Variants in DDX42 observed in about 807,000 individuals in gnomAD.
The protein encoded by DDX42 is ATP-dependent RNA helicase DDX42.
DDX42 carries 22 observed loss-of-function variants against 101.5 expected under a neutral mutation model. That is an observed-to-expected ratio of 0.22 (90% confidence interval 0.15 to 0.31). DDX42 has a LOEUF of 0.31. Among genes scored for constraint, DDX42 ranks in the 10% least tolerant of loss-of-function variants. The probability of loss-of-function intolerance (pLI) is 1.00; values close to 1 mark genes in which losing one functional copy is unlikely to be tolerated. For synonymous variants in DDX42, 402 were observed against 401.2 expected (o/e 1.00, Z -0.02); for missense variants, 849 against 1,199.9 (o/e 0.71, Z 4.32).
At chr17:63,784,780 A>T (rs1198459592) in intron 1 of DDX42, among the ~76,000 whole-genome samples, 3 of 149,754 alleles carry the variant, frequency 2.0e-5, no homozygotes, top group Non-Finnish European at 3.0e-5. Flanking sequence ...TTAAAAAAAG[A>T]TTTTTTTTTT....
chr17:63,788,741 A>G (rs568236353), intron 2 of DDX42, among the ~76,000 whole-genome samples: 24 of 152,326 alleles, frequency 1.6e-4, no homozygotes, highest in African/African-American at 5.8e-4. Context: ...CTGATATAAT[A>G]ATGTGGTTAG....
chr17:63,797,305 T>C (rs920059626), intron 3 of DDX42, among the ~76,000 whole-genome samples: 28 of 136,644 alleles, frequency 2.0e-4, no homozygotes, highest in African/African-American at 7.6e-4. Context: ...TGAGCCAAGA[T>C]GGTGCCATTG....
intron 6 of DDX42, among the ~76,000 whole-genome samples, chr17:63,801,853 T>A (rs762140571): frequency 1.3e-5 from 2 of 152,114 alleles, no homozygotes; most frequent in Non-Finnish European, 2.9e-5. Context: ...AATTACAGGA[T>A]CCTTAAGGAA....
At chr17:63,787,922 T>TTTTG (rs141481953) in intron 2 of DDX42, among the ~76,000 whole-genome samples, 11 of 144,102 alleles carry the variant, frequency 7.6e-5, no homozygotes, top group East Asian at 2.0e-4. Flanking sequence ...TTTTTTTTTT[T>TTTTG]GGAGGCAGAG....
At chr17:63,811,852 A>G (rs561619847) in intron 13 of DDX42, 80 bp from the exon 14 acceptor site, 5 of 1,188,694 alleles carry the variant, frequency 4.2e-6, no homozygotes, top group East Asian at 4.9e-5. Context: ...CGATGCAGGT[A>G]GAAATATAAT....
intron 7 of DDX42, chr17:63,805,871 A>C (rs1357037436): frequency 1.3e-5 from 2 of 152,250 alleles, no homozygotes; most frequent in Non-Finnish European, 2.9e-5. Flanking sequence ...CCAGTGACCC[A>C]AGAAAAATTT....
intron 8 of DDX42, among the ~76,000 whole-genome samples, chr17:63,806,925 A>G (rs1042227066): frequency 1.4e-4 from 22 of 152,224 alleles, no homozygotes; most frequent in African/African-American, 4.6e-4. Context: ...AGCACTGTCA[A>G]TGACTAGAAT....
intron 4 of DDX42, among the ~76,000 whole-genome samples, chr17:63,799,327 G>A (rs933351975): frequency 1.3e-5 from 2 of 151,984 alleles, no homozygotes; most frequent in African/African-American, 2.4e-5. Context: ...AAGTTTTTAC[G>A]TCTGATATCC....
At position 63,795,558 on chromosome 17, in the gene DDX42, G is replaced by A. The variant is rs370861968; in HGVS notation, c.373-2480G>A. ...TTTTTCCCAGGCCGGTCTCAAACTC[G>A]TAGCCTCAGGCAGTCTCTCCACCTT... On this transcript the variant is annotated intron_variant, in intron 3 of 17. Transcript: ENST00000389924. Among the ~76,000 whole-genome samples, 35 of 152,214 alleles carry A rather than the reference G, an allele frequency of 2.3e-4. No individual in the cohort carries two copies. In the East Asian group the frequency reaches 5.6e-3, roughly 24 times the overall value.
chr17:63,815,690 A>G lies in DDX42; in HGVS notation c.2013+17A>G. ...GAGAACATGGTGAGTCTAGACTACT[A>G]CAGTAGTGCCTTTATAGTTGGTCTC... On this transcript the variant is annotated intron_variant, in intron 16 of 17. Coordinates refer to ENST00000389924, the MANE Select transcript of DDX42 (RefSeq NM_203499.3). 5.3e-6 allele frequency: 8 copies of G among 1,520,896 alleles called. No individual in the cohort carries two copies. Among genetic ancestry groups the G allele is most frequent in the Non-Finnish European group, 7.3e-6 (8 of 1,101,296 alleles). The allele number at this position is 1,520,896 out of a possible 1,614,324, so 94.2% of individuals were successfully genotyped here. A position where few individuals can be genotyped will look rare whatever the true frequency, so the allele number is the denominator to read the frequency against.
At chr17:63,775,928 CAGG>C (rs1243570566) in intron 1 of DDX42, 2 of 152,152 alleles carry the variant, frequency 1.3e-5, no homozygotes, top group Non-Finnish European at 2.9e-5. Flanking sequence ...TTTAAGCTGA[CAGG>C]AGAAGGGATG....
chr17:63,804,039 A>C (rs2039807677), intron 6 of DDX42, among the ~76,000 whole-genome samples: 1 of 152,236 alleles, frequency 6.6e-6, no homozygotes, highest in African/African-American at 2.4e-5. Context: ...GACATTAATA[A>C]AGAGATTTGT....
At chr17:63,807,633 T>C (rs2039858638) in intron 8 of DDX42, 91 bp from the exon 9 acceptor site, 2 of 1,228,130 alleles carry the variant, frequency 1.6e-6, no homozygotes, top group Non-Finnish European at 1.2e-6. Flanking sequence ...CAAATAAAAA[T>C]GTTAGTAGTC....
intron 11 of DDX42, 112 bp from the exon 12 acceptor site, chr17:63,810,401 A>T: frequency 8.7e-7 from 1 of 1,148,062 alleles, no homozygotes; most frequent in Non-Finnish European, 1.2e-6. Context: ...TGGGGTTTCT[A>T]ATTTTCTTAA....
At chr17:63,800,167 C>T in intron 5 of DDX42, 1 of 299,508 alleles carries the variant, frequency 3.3e-6, no homozygotes, top group Non-Finnish European at 6.2e-6. Flanking sequence ...AGCATGTGTT[C>T]TATGGCTCTG....
At chr17:63,813,731 C>T (rs953865060) in intron 15 of DDX42, among the ~76,000 whole-genome samples, 1 of 152,152 alleles carries the variant, frequency 6.6e-6, no homozygotes, top group African/African-American at 2.4e-5. Context: ...TAAATTTAAT[C>T]TCAAAGATGG....
intron 1 of DDX42, among the ~76,000 whole-genome samples, chr17:63,783,360 T>A (rs1243249229): frequency 6.6e-6 from 1 of 152,234 alleles, no homozygotes; most frequent in Non-Finnish European, 1.5e-5. Context: ...GTCTTTCCAC[T>A]ATCCTTTCTT....
chr17:63,803,983 A>G (rs1169901591), intron 6 of DDX42, among the ~76,000 whole-genome samples: 1 of 152,140 alleles, frequency 6.6e-6, no homozygotes, highest in Non-Finnish European at 1.5e-5. Flanking sequence ...CTTAAATAAA[A>G]CCAACCTATT....
Position 63,808,710 on chromosome 17 carries a change from A to G in DDX42, c.1024-110A>G, listed in dbSNP as rs1438013105. 3.0e-6 allele frequency: 4 copies of G among 1,332,438 alleles called. No homozygotes were observed. In the East Asian group the frequency reaches 7.0e-5, roughly 23 times the overall value. 82.5% of individuals were successfully genotyped at this position (1,332,438 alleles called of 1,614,324 possible). Reference sequence around the variant, plus strand: ...AAATCGTGGTTTTAAAGTATGTTCTAGGTTTCGATTTTTTATGACATCACA... The same window carrying G: ...AAATCGTGGTTTTAAAGTATGTTCTGGGTTTCGATTTTTTATGACATCACA... On this transcript the variant is annotated intron_variant, in intron 9 of 17. Transcript: ENST00000389924.
Sources: gnomAD v4.1 joint callset for allele counts (sites outside exome capture counted in the v4.1 genomes callset) on GRCh38, gnomAD v4.1.1 for gene constraint, MANE v1.5 for transcripts, NCBI Gene and HGNC (gene_info 2026-07-23, HGNC 2026-07-21) for gene names.